The following FBXW7 variants were observed in gnomAD, a reference collection of about 807,000 sequenced individuals.
FBXW7 encodes F-box and WD repeat domain containing 7.
A neutral mutation model predicts 86.3 loss-of-function variants in FBXW7; 11 were observed. That is an observed-to-expected ratio of 0.13 (90% CI 0.08 to 0.21). The LOEUF (loss-of-function observed/expected upper bound fraction) is 0.21. Ranked by LOEUF, FBXW7 falls within the 10% of genes least tolerant of loss-of-function variation. The pLI is 1.00. For synonymous variants in FBXW7, 313 were observed against 297.9 expected (o/e 1.05, Z -0.52); for missense variants, 488 against 847.4 (o/e 0.58, Z 5.27).
At chr4:152,343,281 T>G (rs1030646023) in intron 6 of FBXW7, among the ~76,000 whole-genome samples, 1 of 152,182 alleles carries the variant, frequency 6.6e-6, no homozygotes. Flanking sequence ...CACTTTATCT[T>G]TGATCCTCAT....
At chr4:152,481,813 T>G (rs1194441932) in intron 2 of FBXW7, among the ~76,000 whole-genome samples, 4 of 152,174 alleles carry the variant, frequency 2.6e-5, no homozygotes, top group African/African-American at 9.7e-5. Context: ...AAAATAAAAT[T>G]TTAATGGCTG....
At chr4:152,511,185 G>A (rs944953241) in intron 2 of FBXW7, among the ~76,000 whole-genome samples, 5 of 151,738 alleles carry the variant, frequency 3.3e-5, no homozygotes, top group Non-Finnish European at 5.9e-5. Flanking sequence ...AAAAGTTGGC[G>A]ACTTCTCTCC....
intron 2 of FBXW7, among the ~76,000 whole-genome samples, chr4:152,429,452 TGAGAAA>T (rs1274819009): frequency 6.6e-6 from 1 of 152,066 alleles, no homozygotes; most frequent in Non-Finnish European, 1.5e-5. Context: ...GTAGGAGGTC[TGAGAAA>T]GAGAGAGTTG....
chr4:152,327,120 A>G (rs1452753674), intron 11 of FBXW7, among the ~76,000 whole-genome samples: 1 of 152,058 alleles, frequency 6.6e-6, no homozygotes, highest in East Asian at 1.9e-4. Context: ...CACAGTTTCC[A>G]TATTTTAAAA....
intron 2 of FBXW7, among the ~76,000 whole-genome samples, chr4:152,449,877 AATC>A (rs1203625990): frequency 6.6e-6 from 1 of 152,244 alleles, no homozygotes; most frequent in African/African-American, 2.4e-5. Context: ...CTTCACAAAT[AATC>A]ATACTTCAAA....
chr4:152,409,354 A>G (rs1251225721), intron 4 of FBXW7, among the ~76,000 whole-genome samples: 1 of 152,230 alleles, frequency 6.6e-6, no homozygotes, highest in Non-Finnish European at 1.5e-5. Context: ...TCTTAACTTT[A>G]TAATGATCAA....
At chr4:152,526,538 T>G (rs1482222401) in intron 2 of FBXW7, among the ~76,000 whole-genome samples, 1 of 152,190 alleles carries the variant, frequency 6.6e-6, no homozygotes, top group Non-Finnish European at 1.5e-5. Flanking sequence ...AAAACTAAAA[T>G]TAAGTAGTTA....
At chr4:152,532,380 TA>T (rs1478470295) in intron 2 of FBXW7, among the ~76,000 whole-genome samples, 1 of 152,198 alleles carries the variant, frequency 6.6e-6, no homozygotes, top group Non-Finnish European at 1.5e-5. Context: ...AGCTTTTACC[TA>T]AAATGTAATT....
At chr4:152,500,579 GAT>G (rs1746846313) in intron 2 of FBXW7, among the ~76,000 whole-genome samples, 1 of 150,618 alleles carries the variant, frequency 6.6e-6, no homozygotes. Context: ...GGTGCAGCAT[GAT>G]ATAGTCTGAC....
At chr4:152,531,103 T>C (rs1226673241) in intron 2 of FBXW7, among the ~76,000 whole-genome samples, 2 of 152,080 alleles carry the variant, frequency 1.3e-5, no homozygotes, top group Non-Finnish European at 2.9e-5. Flanking sequence ...GGCTCTCTAA[T>C]TCCCTATCAA....
At chr4:152,494,050 A>G (rs1474186654) in intron 2 of FBXW7, among the ~76,000 whole-genome samples, 1 of 152,220 alleles carries the variant, frequency 6.6e-6, no homozygotes, top group Admixed American at 6.5e-5. Flanking sequence ...GGTACCCATT[A>G]ATGCTTATTG....
chr4:152,480,265 GTGATCTT>G (rs1158329772), intron 2 of FBXW7, among the ~76,000 whole-genome samples: 2 of 152,058 alleles, frequency 1.3e-5, no homozygotes, highest in Non-Finnish European at 2.9e-5. Context: ...ATGGTGATCT[GTGATCTT>G]TGATGTTACT....
intron 2 of FBXW7, among the ~76,000 whole-genome samples, chr4:152,431,602 G>A (rs1478052589): frequency 2.0e-5 from 3 of 152,092 alleles, no homozygotes; most frequent in Admixed American, 6.6e-5. Flanking sequence ...GGGGCCTAGG[G>A]CAGGAGCACA....
intron 4 of FBXW7, among the ~76,000 whole-genome samples, chr4:152,397,200 G>A (rs2126827508): frequency 6.6e-6 from 1 of 152,046 alleles, no homozygotes; most frequent in South Asian, 2.1e-4. Context: ...AACGAGAAAT[G>A]TCCTTATTTC....
At chr4:152,470,334 T>C in intron 2 of FBXW7, among the ~76,000 whole-genome samples, 1 of 152,078 alleles carries the variant, frequency 6.6e-6, no homozygotes, top group East Asian at 1.9e-4. Flanking sequence ...TAGGGAAGCA[T>C]TCATGCATTC....
intron 2 of FBXW7, among the ~76,000 whole-genome samples, chr4:152,451,076 G>A (rs1208721330): frequency 6.6e-6 from 1 of 152,108 alleles, no homozygotes; most frequent in East Asian, 1.9e-4. Flanking sequence ...GAGCTGGAAG[G>A]CAAACCAACA....
At position 152,536,013 on chromosome 4, in the gene FBXW7, G is replaced by A. The variant is rs991099923; in HGVS notation, c.-1099C>T. On this transcript the variant is annotated 5_prime_UTR_variant, in exon 1 of 14. Coordinates refer to ENST00000281708, the MANE Select transcript of FBXW7 (RefSeq NM_001349798.2). ...TCTCAGTCTCAGCGGCGGCGGCGGCGGCAGCGGCAGCGGCAGCGCCCGGAG... is the reference window on the plus strand; with the variant it reads ...TCTCAGTCTCAGCGGCGGCGGCGGCAGCAGCGGCAGCGGCAGCGCCCGGAG... The A allele has an allele frequency of 2.7e-5, 6 of 220,938 alleles. No homozygotes were observed. The highest frequency in any genetic ancestry group is 1.1e-4 in the East Asian group (1 of 9,440). The allele number at this position is 220,938 out of a possible 1,614,324, so 13.7% of individuals were successfully genotyped here. A position where few individuals can be genotyped will look rare whatever the true frequency, so the allele number is the denominator to read the frequency against.
chr4:152,379,147 T>G (rs1217592164), intron 4 of FBXW7, among the ~76,000 whole-genome samples: 1 of 152,150 alleles, frequency 6.6e-6, no homozygotes, highest in Non-Finnish European at 1.5e-5. Flanking sequence ...CATATATGCT[T>G]ATAATGTGAA....
intron 2 of FBXW7, among the ~76,000 whole-genome samples, chr4:152,522,935 G>T (rs1749157254): frequency 6.6e-6 from 1 of 152,150 alleles, no homozygotes; most frequent in Non-Finnish European, 1.5e-5. Flanking sequence ...TCACTGTTGA[G>T]CTCTACCACT....
Sources: gnomAD v4.1 joint callset for allele counts (sites outside exome capture counted in the v4.1 genomes callset) on GRCh38, gnomAD v4.1.1 for gene constraint, MANE v1.5 for transcripts, NCBI Gene and HGNC (gene_info 2026-07-23, HGNC 2026-07-21) for gene names.